The following SGCD variants were observed in gnomAD, a reference collection of about 807,000 sequenced individuals.
The protein encoded by SGCD is sarcoglycan delta, also known as delta-sarcoglycan.
Under a neutral mutation model 36.6 loss-of-function variants are expected in SGCD, and 18 were observed. The ratio of observed to expected loss-of-function variants is 0.49; its 90% confidence interval spans 0.34 to 0.73. SGCD has a LOEUF of 0.73. Ranked by LOEUF, SGCD falls within the 30% of genes least tolerant of loss-of-function variation. SGCD has a pLI of 0.01. For synonymous variants in SGCD, 133 were observed against 130.6 expected (o/e 1.02, Z -0.12); for missense variants, 387 against 346.7 (o/e 1.12, Z -0.92).
At chr5:156,696,985 G>C (rs569942226) in intron 7 of SGCD, among the ~76,000 whole-genome samples, 1 of 149,002 alleles carries the variant, frequency 6.7e-6, no homozygotes, top group East Asian at 2.0e-4. Flanking sequence ...AAGACATCCT[G>C]GTTTCCAGAC....
intron 5 of SGCD, among the ~76,000 whole-genome samples, chr5:156,594,544 A>T (rs1008888568): frequency 2.0e-5 from 3 of 152,182 alleles, no homozygotes; most frequent in African/African-American, 7.2e-5. Context: ...AGGGCCAAAG[A>T]TATGTGATTG....
the SGCD span, among the ~76,000 whole-genome samples, chr5:155,828,198 C>T: frequency 3.9e-5 from 6 of 152,154 alleles, no homozygotes; most frequent in Middle Eastern, 0.01. Context: ...TACCTATCTA[C>T]GGGGTTATGC....
chr5:156,680,196 G>A (rs952398129), intron 7 of SGCD, among the ~76,000 whole-genome samples: 2 of 152,086 alleles, frequency 1.3e-5, no homozygotes, highest in African/African-American at 4.8e-5. Flanking sequence ...TGGGGAAACC[G>A]AGGCCTAGAG....
rs540297667 is a variant in SGCD at position 156,153,860 on chromosome 5, G to A, written c.-44+29841G>A. Reference sequence around the variant, plus strand: ...CATCAGTATTTTCAAAGCTCCAAAGGGTGAGTCCAATATACAGCCAAATTT... The same window carrying A: ...CATCAGTATTTTCAAAGCTCCAAAGAGTGAGTCCAATATACAGCCAAATTT... On this transcript the variant is annotated intron_variant, in intron 3 of 9. Coordinates refer to the SGCD transcript ENST00000517913. 8.4e-4 allele frequency among the ~76,000 whole-genome samples: 127 copies of A among 151,632 alleles called. 8 individuals are homozygous for A. The highest frequency in any genetic ancestry group is 2.8e-3 in the African/African-American group (113 of 40,984).
Position 156,572,420 on chromosome 5 carries a change from G to GT in SGCD, c.295-16803dup, listed in dbSNP as rs1000501125. On this transcript the variant is annotated intron_variant, in intron 4 of 8. Transcript: ENST00000337851. Reference sequence around the variant, plus strand: ...TTCTTGCCAATATATGTTATTTTCTGTTTTTTTTCTATTATAATTATTCTA... The same window carrying GT: ...TTCTTGCCAATATATGTTATTTTCTGTTTTTTTTTCTATTATAATTATTCTA... Among the ~76,000 whole-genome samples the GT allele has an allele frequency of 1.6e-3, 245 of 151,680 alleles. 1 individual carries two copies. The highest frequency in any genetic ancestry group is 5.3e-3 in the African/African-American group (218 of 41,380).
chr5:155,736,851 A>G, the SGCD span, among the ~76,000 whole-genome samples: 3 of 152,250 alleles, frequency 2.0e-5, no homozygotes, highest in East Asian at 3.8e-4. Flanking sequence ...GAATTAATAA[A>G]TCACCACAGA....
chr5:156,080,479 A>AT (rs1416741540), intron 1 of SGCD, among the ~76,000 whole-genome samples: 3 of 152,212 alleles, frequency 2.0e-5, no homozygotes. Context: ...TTTTCCAAAC[A>AT]TTTTTTGATC....
intron 1 of SGCD, among the ~76,000 whole-genome samples, chr5:155,943,871 C>T (rs952166972): frequency 2.0e-5 from 3 of 152,162 alleles, no homozygotes; most frequent in Middle Eastern, 3.2e-3. Context: ...AAACTGGCTC[C>T]TTCAAAGTTA....
chr5:155,794,132 C>A, the SGCD span, among the ~76,000 whole-genome samples: 1 of 152,052 alleles, frequency 6.6e-6, no homozygotes, highest in African/African-American at 2.4e-5. Context: ...GGGAGTACAC[C>A]TTACGGAGGT....
At chr5:156,600,056 G>A (rs1761128221) in intron 6 of SGCD, among the ~76,000 whole-genome samples, 1 of 152,102 alleles carries the variant, frequency 6.6e-6, no homozygotes, top group Non-Finnish European at 1.5e-5. Flanking sequence ...ACACATTACA[G>A]GCAAACATAC....
intron 4 of SGCD, among the ~76,000 whole-genome samples, chr5:156,527,404 AAG>A (rs1322901554): frequency 6.6e-6 from 1 of 152,172 alleles, no homozygotes; most frequent in African/African-American, 2.4e-5. Flanking sequence ...GAATTTTTGA[AAG>A]AGAGAGACAG....
rs114421869 is a variant in SGCD at position 156,018,731 on chromosome 5, A to G, written c.-281-99147A>G. 4.9e-3 allele frequency among the ~76,000 whole-genome samples: 753 copies of G among 152,336 alleles called. 9 individuals are homozygous for G. Among genetic ancestry groups the G allele is most frequent in the African/African-American group, 0.017 (703 of 41,572 alleles). On this transcript the variant is annotated intron_variant, in intron 1 of 9. Transcript: ENST00000517913. Reference sequence around the variant, plus strand: ...AAAACTTTTTAACTTCTGGAAGGCTAAAATGTGCGTAATTTTGTCTTTCAT... The same window carrying G: ...AAAACTTTTTAACTTCTGGAAGGCTGAAATGTGCGTAATTTTGTCTTTCAT...
chr5:156,068,533 T>G (rs992804264), intron 1 of SGCD, among the ~76,000 whole-genome samples: 79 of 151,960 alleles, frequency 5.2e-4, no homozygotes, highest in African/African-American at 1.8e-3. Flanking sequence ...TGTTGGACAT[T>G]TGGGTTGGTT....
chr5:156,115,298 A>G (rs1457576316), intron 1 of SGCD, among the ~76,000 whole-genome samples: 1 of 152,114 alleles, frequency 6.6e-6, no homozygotes, highest in African/African-American at 2.4e-5. Flanking sequence ...TGCAGATGCT[A>G]TATGCCTATA....
At chr5:156,599,104 C>T (rs1761060090) in intron 6 of SGCD, among the ~76,000 whole-genome samples, 2 of 152,144 alleles carry the variant, frequency 1.3e-5, no homozygotes, top group Admixed American at 1.3e-4. Context: ...TGAAATGAGC[C>T]CAGTGGGTTG....
intron 3 of SGCD, among the ~76,000 whole-genome samples, chr5:156,173,352 T>G (rs1291468237): frequency 6.6e-6 from 1 of 152,200 alleles, no homozygotes; most frequent in East Asian, 1.9e-4. Context: ...CTTTGCAGGA[T>G]TTTGATGATA....
At position 156,613,759 on chromosome 5, in the gene SGCD, T is replaced by C. The variant is rs193283755; in HGVS notation, c.502+18708T>C. On this transcript the variant is annotated intron_variant, in intron 6 of 8. Transcript: ENST00000337851. ...CTGACCCAAGACAATGATAGCAAAA[T>C]CATTTTGCCACAAATCTCCTGGTAA... 5.3e-5 allele frequency among the ~76,000 whole-genome samples: 8 copies of C among 152,270 alleles called. No individual in the cohort carries two copies. The South Asian group carries it at 1.0e-3, about 20-fold the overall frequency.
At chr5:156,404,673 T>C (rs987483683) in intron 3 of SGCD, among the ~76,000 whole-genome samples, 2 of 152,320 alleles carry the variant, frequency 1.3e-5, no homozygotes, top group African/African-American at 4.8e-5. Flanking sequence ...CAATGGTAGA[T>C]CATATATATT....
At chr5:156,723,191 C>A (rs752078125) in intron 7 of SGCD, among the ~76,000 whole-genome samples, 1 of 152,146 alleles carries the variant, frequency 6.6e-6, no homozygotes, top group Non-Finnish European at 1.5e-5. Flanking sequence ...AGGGAAGGAG[C>A]ACCAAGTTAT....
Sources: gnomAD v4.1 joint callset for allele counts (sites outside exome capture counted in the v4.1 genomes callset) on GRCh38, gnomAD v4.1.1 for gene constraint, MANE v1.5 for transcripts, NCBI Gene and HGNC (gene_info 2026-07-23, HGNC 2026-07-21) for gene names.